ADGRG1: variants seen among roughly 807,000 people sequenced by gnomAD.
The protein encoded by ADGRG1 is 7-transmembrane protein with no EGF-like N-terminal domains-1.
A neutral mutation model predicts 73.5 loss-of-function variants in ADGRG1; 53 were observed. The observed-to-expected ratio is 0.72, with a 90% CI of 0.58 to 0.91. The LOEUF (loss-of-function observed/expected upper bound fraction) is 0.91, where lower values mean the gene tolerates loss of function less well. ADGRG1 is among the 40% of genes least tolerant of loss of function. The probability of loss-of-function intolerance (pLI) is 0.00; values close to 1 mark genes in which losing one functional copy is unlikely to be tolerated. For synonymous variants in ADGRG1, 394 were observed against 374.4 expected (o/e 1.05, Z -0.60); for missense variants, 795 against 871.8 (o/e 0.91, Z 1.11).
chr16:57,639,085 A>AT (rs1287208736), intron 1 of ADGRG1, among the ~76,000 whole-genome samples: 2 of 151,964 alleles, frequency 1.3e-5, no homozygotes, highest in South Asian at 4.1e-4. Flanking sequence ...AAAAAAAAAA[A>AT]GATTTGGTTT....
At chr16:57,623,157 G>T (rs2035183686), upstream of ADGRG1, 3 of 976,928 alleles carry the variant, frequency 3.1e-6, no homozygotes, top group African/African-American at 5.3e-5. Flanking sequence ...TGACAGGGTT[G>T]TGGGGGAAAA....
intron 1 of ADGRG1, chr16:57,630,246 A>G (rs1286685044): frequency 8.5e-6 from 4 of 471,896 alleles, no homozygotes; most frequent in Non-Finnish European, 1.1e-5. Flanking sequence ...GAGAAGGAGC[A>G]TATCTGGGCA....
In ADGRG1 at chr16:57,663,648, C is replaced by G; in HGVS notation, c.*66C>G. ...GCCTCGTCGCACACTGCCTGTGGCCCCCGAGCCCGGCCCAGCCCCAGGCCA... is the reference window on the plus strand; with the variant it reads ...GCCTCGTCGCACACTGCCTGTGGCCGCCGAGCCCGGCCCAGCCCCAGGCCA... On this transcript the variant is annotated 3_prime_UTR_variant, in exon 14 of 14. Coordinates refer to ENST00000562631, the MANE Select transcript of ADGRG1 (RefSeq NM_201525.4). The G allele has an allele frequency of 1.9e-6, 3 of 1,570,364 alleles. No homozygotes were observed. Among genetic ancestry groups the G allele is most frequent in the Non-Finnish European group, 2.6e-6 (3 of 1,152,024 alleles).
At chr16:57,660,381 C>T in intron 11 of ADGRG1, 1 of 985,134 alleles carries the variant, frequency 1.0e-6, no homozygotes, top group Non-Finnish European at 1.2e-6. Flanking sequence ...TTCTAATCTC[C>T]ACCGAACGGG....
intron 1 of ADGRG1, chr16:57,634,699 G>A (rs1345073116): frequency 5.7e-6 from 1 of 175,076 alleles, no homozygotes; most frequent in African/African-American, 2.4e-5. Context: ...GTGTTCAAGT[G>A]TGGCAGGGGC....
At chr16:57,647,098 G>A (rs955931550) in intron 1 of ADGRG1, 25 of 985,408 alleles carry the variant, frequency 2.5e-5, no homozygotes, top group Middle Eastern at 5.2e-4. Flanking sequence ...GTGTGTGTGC[G>A]TGGGGCAGAC....
chr16:57,659,310 G>C, intron 10 of ADGRG1, 103 bp from the exon 11 acceptor site: 3 of 1,595,512 alleles, frequency 1.9e-6, no homozygotes, highest in Non-Finnish European at 2.5e-6. Flanking sequence ...GCATGTGTGT[G>C]TCGGGGTGGG....
At position 57,630,483 on chromosome 16, in the gene ADGRG1, A is replaced by AT. The variant is rs551885340; in HGVS notation, c.-36+1681_-36+1682insT. On this transcript the variant is annotated intron_variant, in intron 1 of 13. Coordinates refer to ENST00000562631, the MANE Select transcript of ADGRG1 (RefSeq NM_201525.4). ...GAGCTCAGCTGCTAAATGGGTGTGT[A>AT]GGGGTGATCACAGCTGCCCTGGCTC... 1.6e-5 allele frequency: 16 copies of AT among 985,704 alleles called. No individual in the cohort carries two copies. In the South Asian group the frequency reaches 6.6e-4, roughly 41 times the overall value. The allele number at this position is 985,704 out of a possible 1,614,324, so 61.1% of individuals were successfully genotyped here. A position where few individuals can be genotyped will look rare whatever the true frequency, so the allele number is the denominator to read the frequency against.
chr16:57,652,580 G>A (rs2148286203), intron 3 of ADGRG1: 4 of 976,244 alleles, frequency 4.1e-6, no homozygotes, highest in South Asian at 4.7e-5. Flanking sequence ...TGTTTGGCCT[G>A]TAGAGGGTTT....
rs1799909282 is a variant in ADGRG1, at chr16:57,654,128, CAGG to C, written c.767_768+1del. On this transcript the variant is annotated inframe_deletion and splice_region_variant, in exon 5 of 14. Coordinates refer to ENST00000562631, the MANE Select transcript of ADGRG1 (RefSeq NM_201525.4). ...CCAGGACCTGCACATCCACTCCCGG[CAGG>C]AGGTCAGGGGCAGGCCTGGGCAGGA... is the stretch of plus-strand genomic sequence containing the variant. 3 of 1,612,198 alleles carry C rather than the reference CAGG, an allele frequency of 1.9e-6. No homozygotes were observed. The highest frequency in any genetic ancestry group is 1.7e-6 in the Non-Finnish European group (2 of 1,179,910).
chr16:57,643,901 G>A (rs1258016904), intron 1 of ADGRG1: 3 of 693,392 alleles, frequency 4.3e-6, no homozygotes, highest in Admixed American at 6.5e-5. Context: ...GGGGTGGGGG[G>A]ACTGGGCTGG....
chr16:57,660,802 G>A lies in ADGRG1; in HGVS notation c.1590G>A (p.Leu530=). The part of the protein sequence containing the change: ...FPIFLVTLVA[L]VDVDNYGPII... ...TCTTTCTGGTGACGCTGGTGGCCCT[G>A]GTGGATGTGGACAACTATGGCCCCA... The change falls in exon 12 of 14, where the codon CTG becomes CTA. Residue 530 remains leucine, a synonymous_variant. Coordinates refer to ENST00000562631, the MANE Select transcript of ADGRG1 (RefSeq NM_201525.4). 1 of 1,613,230 alleles carries A rather than the reference G, an allele frequency of 6.2e-7. No homozygotes were observed. Among genetic ancestry groups the A allele is most frequent in the Non-Finnish European group, 8.5e-7 (1 of 1,179,230 alleles).
chr16:57,639,441 C>T, intron 1 of ADGRG1: 4 of 985,470 alleles, frequency 4.1e-6, no homozygotes, highest in Middle Eastern at 5.2e-4. Flanking sequence ...GCGCTGGCGG[C>T]TGGGGCTTCT....
chr16:57,654,306 T>C lies in ADGRG1; in HGVS notation c.768+173T>C, dbSNP rs554466807. Among the ~76,000 whole-genome samples, 10 of 152,112 alleles carry C rather than the reference T, an allele frequency of 6.6e-5. 1 individual carries two copies. In the South Asian group the frequency reaches 1.7e-3, roughly 25 times the overall value. On this transcript the variant is annotated intron_variant, in intron 5 of 13. Transcript: ENST00000562631. Reference sequence around the variant, plus strand: ...CTAAGTCAGTAGTTCAACCGTGGGATTGAGGACCCTGTGTGGGCACAGTGG... The same window carrying C: ...CTAAGTCAGTAGTTCAACCGTGGGACTGAGGACCCTGTGTGGGCACAGTGG...
At chr16:57,645,091 CGCA>C (rs2042252050) in intron 1 of ADGRG1, 2 of 985,416 alleles carry the variant, frequency 2.0e-6, no homozygotes, top group Non-Finnish European at 2.4e-6. Context: ...CTGTGTAACT[CGCA>C]GGAGTTCATC....
intron 5 of ADGRG1, chr16:57,655,044 CCT>C (rs1412837781): frequency 1.7e-5 from 17 of 984,966 alleles, no homozygotes; most frequent in Non-Finnish European, 1.9e-5. Flanking sequence ...GAGACTGCCC[CCT>C]GAGTGGCTCT....
chr16:57,651,174 C>T (rs557105932), intron 2 of ADGRG1, 26 bp from the exon 3 acceptor site: 6 of 1,613,556 alleles, frequency 3.7e-6, no homozygotes, highest in Admixed American at 3.3e-5. Flanking sequence ...GCCACGGGGT[C>T]CCATCTGCAG....
intron 2 of ADGRG1, among the ~76,000 whole-genome samples, chr16:57,650,796 C>T (rs1238158533): frequency 2.0e-5 from 3 of 150,160 alleles, no homozygotes; most frequent in Non-Finnish European, 4.4e-5. Context: ...GCAAGCTCCG[C>T]CTCCCGGGTT....
intron 12 of ADGRG1, 85 bp downstream of exon 12, chr16:57,660,961 C>T (rs1194122242): frequency 2.1e-5 from 17 of 820,674 alleles, no homozygotes; most frequent in Non-Finnish European, 3.4e-5. Context: ...GTCATGCTGG[C>T]CAGGGGACAC....
Sources: allele counts gnomAD v4.1 joint callset (sites outside exome capture counted in the v4.1 genomes callset), GRCh38; gene constraint gnomAD v4.1.1; transcripts MANE v1.5; gene names NCBI Gene and HGNC (gene_info 2026-07-23, HGNC 2026-07-21).